The following DNAJC5B variants were observed in gnomAD, a reference collection of about 807,000 sequenced individuals.
DNAJC5B encodes dnaJ homolog subfamily C member 5B.
Under a neutral mutation model 24.7 loss-of-function variants are expected in DNAJC5B, and 23 were observed. The observed-to-expected ratio is 0.93, with a 90% CI of 0.67 to 1.32. The LOEUF (loss-of-function observed/expected upper bound fraction) is 1.32. DNAJC5B is among the 40% of genes most tolerant of loss of function. The probability of loss-of-function intolerance (pLI) is 0.00; values close to 1 mark genes in which losing one functional copy is unlikely to be tolerated. For synonymous variants in DNAJC5B, 101 were observed against 90.1 expected, an observed-to-expected ratio of 1.12 and a Z score of -0.68; for missense variants, 238 against 240.8, an observed-to-expected ratio of 0.99 and a Z score of 0.08.
intron 3 of DNAJC5B, among the ~76,000 whole-genome samples, chr8:66,063,913 T>C (rs551067196): frequency 6.6e-6 from 1 of 152,328 alleles, no homozygotes; most frequent in African/African-American, 2.4e-5. Context: ...TAGTAAACTC[T>C]TTAAATTTAC....
intron 3 of DNAJC5B, among the ~76,000 whole-genome samples, chr8:66,052,382 T>TGA: frequency 6.6e-6 from 1 of 152,192 alleles, no homozygotes; most frequent in East Asian, 1.9e-4. Flanking sequence ...ATTTTGATCT[T>TGA]TTGTGGTCTA....
intron 3 of DNAJC5B, among the ~76,000 whole-genome samples, chr8:66,058,952 C>T (rs1225246050): frequency 3.3e-5 from 5 of 152,108 alleles, no homozygotes; most frequent in Non-Finnish European, 5.9e-5. Flanking sequence ...GTGAAAATAT[C>T]AGGTACTACT....
upstream of DNAJC5B, among the ~76,000 whole-genome samples, chr8:66,017,973 G>A (rs1403124087): frequency 1.3e-5 from 2 of 152,116 alleles, no homozygotes; most frequent in Non-Finnish European, 2.9e-5. Flanking sequence ...AATACGTAAA[G>A]ACTCAAGGTC....
In DNAJC5B at chr8:66,101,170, C is replaced by T. The variant is rs1808065921; in HGVS notation, c.*1139C>T. ...CCACCCAAAAAATTATAGTTAATTG[C>T]TGCTAAATATATATTGTAAGTGAGA... On this transcript the variant is annotated 3_prime_UTR_variant, in exon 6 of 6. Coordinates refer to ENST00000276570, the MANE Select transcript of DNAJC5B (RefSeq NM_033105.6). Among the ~76,000 whole-genome samples the T allele has an allele frequency of 6.6e-6, 1 of 151,988 alleles. No homozygotes were observed.
At chr8:66,044,331 G>C (rs1018994676) in intron 2 of DNAJC5B, among the ~76,000 whole-genome samples, 1 of 152,178 alleles carries the variant, frequency 6.6e-6, no homozygotes, top group South Asian at 2.1e-4. Flanking sequence ...GCCATGGAAA[G>C]TGTGTTTGCT....
At chr8:66,091,492 C>T (rs1233158581) in intron 5 of DNAJC5B, among the ~76,000 whole-genome samples, 1 of 152,134 alleles carries the variant, frequency 6.6e-6, no homozygotes, top group Non-Finnish European at 1.5e-5. Flanking sequence ...TCCCCATATT[C>T]TTGTGGATAA....
At chr8:66,022,315 TG>T (rs1347697102) in intron 1 of DNAJC5B, among the ~76,000 whole-genome samples, 1 of 152,216 alleles carries the variant, frequency 6.6e-6, no homozygotes, top group Non-Finnish European at 1.5e-5. Context: ...CCTGGAGTCT[TG>T]GGGCCCTGAG....
At chr8:66,090,283 T>TAGAG (rs142117794) in intron 5 of DNAJC5B, among the ~76,000 whole-genome samples, 1 of 122,120 alleles carries the variant, frequency 8.2e-6, no homozygotes, top group Middle Eastern at 4.0e-3. Context: ...GTGTGTGTGG[T>TAGAG]AGAGAGAGAG....
chr8:66,047,886 T>G (rs898516301), intron 2 of DNAJC5B, among the ~76,000 whole-genome samples: 1 of 152,158 alleles, frequency 6.6e-6, no homozygotes, highest in Non-Finnish European at 1.5e-5. Flanking sequence ...CTGGTATTCA[T>G]GTATTCATTT....
In DNAJC5B at chr8:66,076,720, G is replaced by C. The variant is rs749198201; in HGVS notation, c.180G>C (p.Lys60Asn). The change falls in exon 4 of 6, where the codon AAG becomes AAC. Residue 60 changes from lysine (K) to asparagine (N), a missense_variant. Transcript: ENST00000276570. The stretch of plus-strand genomic sequence containing the variant: ...CAGATGATCCAGCTGCTACTGAGAA[G>C]TTTAAAGAAATCAACAACGCCCACG... ...KNPDDPAATE[K>N]FKEINNAHAI... is the part of the protein sequence containing the mutation. 6.2e-7 allele frequency: 1 copy of C among 1,614,126 alleles called. No individual in the cohort carries two copies.
intron 5 of DNAJC5B, among the ~76,000 whole-genome samples, chr8:66,096,911 T>C (rs1244127770): frequency 1.3e-5 from 2 of 152,150 alleles, no homozygotes; most frequent in African/African-American, 4.8e-5. Flanking sequence ...GAAATAGTCT[T>C]GAAGAGAACA....
At chr8:66,045,912 A>T (rs919090509) in intron 2 of DNAJC5B, among the ~76,000 whole-genome samples, 7 of 152,208 alleles carry the variant, frequency 4.6e-5, no homozygotes, top group Non-Finnish European at 8.8e-5. Flanking sequence ...GCTCACAGAC[A>T]TTGGTGTACC....
chr8:66,045,109 A>G lies in DNAJC5B; in HGVS notation c.-18+1498A>G, dbSNP rs75404700. On this transcript the variant is annotated intron_variant, in intron 2 of 5. Transcript: ENST00000276570. ...GAAGAATCTGGTTTCTAGCTTAACA[A>G]GGAGGCAGAAAAAGTAGTGTGTTGT... is the stretch of plus-strand genomic sequence containing the variant. Among the ~76,000 whole-genome samples the G allele has an allele frequency of 3.9e-3, 590 of 152,324 alleles. 8 individuals carry two copies. Among genetic ancestry groups the G allele is most frequent in the Admixed American group, 0.033 (511 of 15,300 alleles).
intron 1 of DNAJC5B, among the ~76,000 whole-genome samples, chr8:66,037,503 T>C (rs971391836): frequency 6.6e-6 from 1 of 152,074 alleles, no homozygotes; most frequent in Non-Finnish European, 1.5e-5. Flanking sequence ...CCATCTCCTG[T>C]CTAATCGTGA....
At chr8:66,047,750 A>G (rs559376246) in intron 2 of DNAJC5B, among the ~76,000 whole-genome samples, 24 of 152,346 alleles carry the variant, frequency 1.6e-4, no homozygotes, top group African/African-American at 4.8e-4. Flanking sequence ...AATATAAAAT[A>G]GGATTCCAGC....
At chr8:66,018,538 C>A (rs1806022689), upstream of DNAJC5B, among the ~76,000 whole-genome samples, 1 of 151,994 alleles carries the variant, frequency 6.6e-6, no homozygotes, top group Non-Finnish European at 1.5e-5. Flanking sequence ...AACAAACAAA[C>A]AAACAAAAAA....
intron 3 of DNAJC5B, among the ~76,000 whole-genome samples, chr8:66,054,984 A>T (rs1431904870): frequency 1.3e-5 from 2 of 152,118 alleles, no homozygotes; most frequent in African/African-American, 4.8e-5. Flanking sequence ...GTGACATCCA[A>T]CTTCCTTGTA....
At chr8:66,031,188 G>C (rs1806353857) in intron 1 of DNAJC5B, among the ~76,000 whole-genome samples, 1 of 152,158 alleles carries the variant, frequency 6.6e-6, no homozygotes, top group African/African-American at 2.4e-5. Context: ...ATAGAAGGTA[G>C]TTATCAATAT....
Position 66,076,740 on chromosome 8 carries a change from C to T in DNAJC5B, c.200C>T (p.Ala67Val). The T allele has an allele frequency of 6.2e-7, 1 of 1,614,106 alleles. No homozygotes were observed. Among genetic ancestry groups the T allele is most frequent in the African/African-American group, 1.3e-5 (1 of 75,000 alleles). The change falls in exon 4 of 6, where the codon GCC becomes GTC. Residue 67 changes from alanine to valine, a missense_variant. Transcript: ENST00000276570. The stretch of plus-strand genomic sequence containing the variant: ...GAGAAGTTTAAAGAAATCAACAACG[C>T]CCACGCAATACTTACCGACATTTCA... The part of the protein sequence containing the change: ...ATEKFKEINN[A>V]HAILTDISKR...
Sources: gnomAD v4.1 joint callset for allele counts (sites outside exome capture counted in the v4.1 genomes callset) on GRCh38, gnomAD v4.1.1 for gene constraint, MANE v1.5 for transcripts, NCBI Gene and HGNC (gene_info 2026-07-23, HGNC 2026-07-21) for gene names.